The following GLI3 variants were observed in gnomAD, a reference collection of about 807,000 sequenced individuals.
GLI3 encodes transcription activator GLI3.
A neutral mutation model predicts 100.8 loss-of-function variants in GLI3; 20 were observed. The ratio of observed to expected loss-of-function variants is 0.20; its 90% CI spans 0.14 to 0.29. The LOEUF is 0.29. Among genes scored for constraint, GLI3 ranks in the 10% least tolerant of loss-of-function variants. GLI3 has a pLI of 1.00. For synonymous variants in GLI3, 938 were observed against 860.5 expected, an observed-to-expected ratio of 1.09 and a Z score of -1.58; for missense variants, 2,040 against 2,128.5, an observed-to-expected ratio of 0.96 and a Z score of 0.82.
At chr7:42,098,014 C>G (rs975228632) in intron 3 of GLI3, among the ~76,000 whole-genome samples, 4 of 152,062 alleles carry the variant, frequency 2.6e-5, no homozygotes, top group Non-Finnish European at 4.4e-5. Flanking sequence ...AGATTATGCT[C>G]AGAGAGGTTA....
rs369941652 is a variant in GLI3, at chr7:42,090,213, C to G, written c.368-13356G>C. ...GGACTGGAAATTGCTCTGGGTGAGT[C>G]AGTGAGTGAGTGGTGAATGAATGTG... On this transcript the variant is annotated intron_variant, in intron 3 of 14. Transcript: ENST00000395925. Among the ~76,000 whole-genome samples the G allele has an allele frequency of 1.3e-3, 194 of 152,276 alleles. 1 individual carries two copies. Among genetic ancestry groups the G allele is most frequent in the African/African-American group, 4.2e-3 (174 of 41,552 alleles).
intron 4 of GLI3, among the ~76,000 whole-genome samples, chr7:42,051,536 CACAA>C (rs1784352330): frequency 6.6e-6 from 1 of 152,136 alleles, no homozygotes; most frequent in Non-Finnish European, 1.5e-5. Context: ...TACACATATA[CACAA>C]ACATATTTAT....
intron 2 of GLI3, among the ~76,000 whole-genome samples, chr7:42,170,489 G>A (rs1787348717): frequency 7.5e-6 from 1 of 133,592 alleles, no homozygotes. Flanking sequence ...TGCAAGCTCC[G>A]CCTCCTGGGT....
At chr7:42,109,219 C>T (rs1250252730) in intron 3 of GLI3, among the ~76,000 whole-genome samples, 1 of 152,206 alleles carries the variant, frequency 6.6e-6, no homozygotes, top group Non-Finnish European at 1.5e-5. Context: ...TCCAACCCCT[C>T]CTACAAAACT....
Position 41,965,722 on chromosome 7 carries a change from C to A in GLI3, c.3351G>T (p.Pro1117=), listed in dbSNP as rs368061722. Residue 1117 remains proline, a synonymous_variant, in exon 15 of 15, where the codon CCG becomes CCT. Transcript: ENST00000395925. Reference sequence around the variant, plus strand: ...GCCCGTGGGGCACTTTGCTGTCGTCCGGGAGGGCGCTGGGGAAGTGCTGCT... The same window carrying A: ...GCCCGTGGGGCACTTTGCTGTCGTCAGGGAGGGCGCTGGGGAAGTGCTGCT... The part of the protein sequence containing the change: ...GYEQHFPSAL[P]DDSKVPHGPG... 1 of 1,613,654 alleles carries A rather than the reference C, an allele frequency of 6.2e-7. No individual in the cohort carries two copies. The highest frequency in any genetic ancestry group is 8.5e-7 in the Non-Finnish European group (1 of 1,179,940).
chr7:42,182,662 A>ATATACGTGTGTGTC (rs750131355), intron 2 of GLI3, among the ~76,000 whole-genome samples: 1 of 76,742 alleles, frequency 1.3e-5, no homozygotes, highest in Non-Finnish European at 2.5e-5. Context: ...ATATATATAT[A>ATATACGTGTGTGTC]TATATATATA....
intron 1 of GLI3, among the ~76,000 whole-genome samples, chr7:42,255,974 G>T (rs1243554152): frequency 2.6e-5 from 4 of 152,096 alleles, no homozygotes; most frequent in Non-Finnish European, 4.4e-5. Context: ...CCCACACTTG[G>T]TGTTCACTTT....
intron 2 of GLI3, among the ~76,000 whole-genome samples, chr7:42,210,317 C>T (rs1044507553): frequency 6.8e-6 from 1 of 147,170 alleles, no homozygotes; most frequent in African/African-American, 2.5e-5. Context: ...TATAATCCCT[C>T]ACTTCTATTC....
chr7:42,259,138 G>A (rs926387274), intron 1 of GLI3, among the ~76,000 whole-genome samples: 2 of 152,142 alleles, frequency 1.3e-5, no homozygotes, highest in Non-Finnish European at 2.9e-5. Context: ...CTTAGCTAAG[G>A]AACGGTTTCG....
At chr7:42,001,245 A>AAG (rs1788286850) in intron 10 of GLI3, among the ~76,000 whole-genome samples, 1 of 150,854 alleles carries the variant, frequency 6.6e-6, no homozygotes, top group Non-Finnish European at 1.5e-5. Flanking sequence ...TCAAAAAAAA[A>AAG]AAAAAAAAAG....
Position 42,045,450 on chromosome 7 carries a change from T to C in GLI3, c.760A>G (p.Ile254Val), listed in dbSNP as rs1784226272. 1.2e-6 allele frequency: 2 copies of C among 1,614,004 alleles called. No homozygotes were observed. Among genetic ancestry groups the C allele is most frequent in the Non-Finnish European group, 8.5e-7 (1 of 1,179,856 alleles). Residue 254 changes from isoleucine to valine, a missense_variant, in exon 6 of 15, where the codon ATT (isoleucine) becomes GTT (valine). Physicochemically the swap from Ile to Val is conservative, Grantham distance 29. Around this residue, in one of 5 missense-constraint regions of GLI3, gnomAD observed 603 missense variants for 690.9 expected, o/e 0.87. Coordinates refer to ENST00000395925, the MANE Select transcript of GLI3 (RefSeq NM_000168.6). ...LTGQRSPYADIIPSAATAGTG... is the reference protein window; with the variant it reads ...LTGQRSPYADVIPSAATAGTG... ...CCGGCGGTGGCAGCTGAGGGAATAA[T>C]GTCTGCATAGGGGCTGCGCTGGCCA...
rs188466366 is a variant in GLI3, at chr7:41,975,929, A to C, written c.1812+1629T>G. On this transcript the variant is annotated intron_variant, in intron 12 of 14. Coordinates refer to ENST00000395925, the MANE Select transcript of GLI3 (RefSeq NM_000168.6). The stretch of plus-strand genomic sequence containing the variant: ...ATTCTGTTAAGTCAAAACCCCTTAA[A>C]ATTTTAAATTGAAATATAATTCACA... Among the ~76,000 whole-genome samples the C allele has an allele frequency of 8.5e-3, 1,301 of 152,306 alleles. 6 individuals carry two copies. The highest frequency in any genetic ancestry group is 0.014 in the Non-Finnish European group (942 of 68,030).
intron 10 of GLI3, among the ~76,000 whole-genome samples, chr7:42,004,563 A>C (rs1269281828): frequency 6.6e-6 from 1 of 152,122 alleles, no homozygotes; most frequent in Non-Finnish European, 1.5e-5. Flanking sequence ...CAGAAATGAA[A>C]TATGAGGTAA....
chr7:42,113,515 G>A, intron 3 of GLI3: 1 of 1,133,654 alleles, frequency 8.8e-7, no homozygotes, highest in South Asian at 1.2e-5. Context: ...TACCCAAAGG[G>A]AAAAAGGGAA....
chr7:41,988,835 T>A (rs1429318755), intron 10 of GLI3, among the ~76,000 whole-genome samples: 1 of 152,338 alleles, frequency 6.6e-6, no homozygotes, highest in Middle Eastern at 3.4e-3. Context: ...TTCTAAGTTA[T>A]TTTACTAAAA....
chr7:42,012,478 T>A (rs1166451960), intron 10 of GLI3, among the ~76,000 whole-genome samples: 1 of 152,122 alleles, frequency 6.6e-6, no homozygotes, highest in Non-Finnish European at 1.5e-5. Context: ...AAAAAGGCAG[T>A]TCACGTTAAG....
chr7:42,025,003 C>T (rs888248859), intron 9 of GLI3, among the ~76,000 whole-genome samples: 1 of 152,158 alleles, frequency 6.6e-6, no homozygotes, highest in Non-Finnish European at 1.5e-5. Context: ...GCCAATACTC[C>T]CAAGCTGCCT....
intron 13 of GLI3, among the ~76,000 whole-genome samples, chr7:41,971,244 G>T (rs936597393): frequency 3.2e-4 from 48 of 152,206 alleles, no homozygotes; most frequent in African/African-American, 1.1e-3. Flanking sequence ...CTAATTTTAA[G>T]AAAATGCTGG....
chr7:42,065,564 G>A (rs1313413512), intron 4 of GLI3, among the ~76,000 whole-genome samples: 1 of 152,048 alleles, frequency 6.6e-6, no homozygotes, highest in Non-Finnish European at 1.5e-5. Flanking sequence ...CATAAACCAT[G>A]CTTCAAAAAA....
Sources: allele counts gnomAD v4.1 joint callset (sites outside exome capture counted in the v4.1 genomes callset), GRCh38; gene constraint gnomAD v4.1.1; regional missense constraint gnomAD v4.1.1; transcripts MANE v1.5; gene names NCBI Gene and HGNC (gene_info 2026-07-23, HGNC 2026-07-21).